LUC7L2: variants seen among roughly 807,000 people sequenced by gnomAD.
LUC7L2 encodes the protein LUC7 like 2, pre-mRNA splicing factor, also known as putative RNA-binding protein Luc7-like 2.
LUC7L2 carries 25 observed loss-of-function variants against 52.8 expected under a neutral mutation model. The observed-to-expected ratio is 0.47, with a 90% CI of 0.34 to 0.66. The LOEUF (loss-of-function observed/expected upper bound fraction) is 0.66. LUC7L2 is among the 30% of genes least tolerant of loss of function. LUC7L2 has a pLI of 0.01. For missense variants in LUC7L2, 328 were observed against 497.8 expected (o/e 0.66, Z 3.25); for synonymous variants, 144 against 160.9 (o/e 0.89, Z 0.80).
intron 5 of LUC7L2, 112 bp from the exon 6 acceptor site, chr7:139,407,062 A>C (rs1585125127): frequency 2.5e-5 from 22 of 878,820 alleles, no homozygotes; most frequent in East Asian, 6.1e-5. Context: ...GTGCCCAGCC[A>C]CTTTTGTGTA....
intron 1 of LUC7L2, among the ~76,000 whole-genome samples, chr7:139,369,927 G>C (rs533297743): frequency 6.6e-6 from 1 of 152,304 alleles, no homozygotes. Flanking sequence ...ACATTTTCTG[G>C]AGGAAAGGAA....
chr7:139,359,184 T>TGGCTCCC (rs2131170371), upstream of LUC7L2: 1 of 152,366 alleles, frequency 6.6e-6, no homozygotes, highest in African/African-American at 2.4e-5. Context: ...CCAGCGCCGC[T>TGGCTCCC]GGCTCCCTGC....
chr7:139,351,306 A>T (rs1281653974), intron 1 of LUC7L2, among the ~76,000 whole-genome samples: 1 of 152,234 alleles, frequency 6.6e-6, no homozygotes, highest in African/African-American at 2.4e-5. Context: ...ATTCCCTATC[A>T]GTTCAATGAC....
chr7:139,360,449 T>A lies in LUC7L2; in HGVS notation c.61+127T>A, dbSNP rs1234261283. On this transcript the variant is annotated intron_variant, in intron 1 of 9. Coordinates refer to ENST00000354926, the MANE Select transcript of LUC7L2 (RefSeq NM_016019.5). ...GGGCTCCCAGATTGGTAACACGAGG[T>A]CCCCGTCCCCCGTCCCATCCAATCA... 68 of 784,086 alleles carry A rather than the reference T, an allele frequency of 8.7e-5. 2 individuals carry two copies. Among genetic ancestry groups the A allele is most frequent in the South Asian group, 6.3e-4 (36 of 57,184 alleles). The allele number at this position is 784,086 out of a possible 1,614,324, so 48.6% of individuals were successfully genotyped here.
chr7:139,355,094 C>G (rs547173060), upstream of LUC7L2, among the ~76,000 whole-genome samples: 1 of 131,726 alleles, frequency 7.6e-6, no homozygotes, highest in African/African-American at 4.0e-5. Flanking sequence ...CTCCTGGCCT[C>G]AAGTGATTCT....
intron 9 of LUC7L2, among the ~76,000 whole-genome samples, chr7:139,421,316 G>A (rs1451822575): frequency 6.6e-6 from 1 of 152,172 alleles, no homozygotes; most frequent in Non-Finnish European, 1.5e-5. Context: ...ATGTAAAAGT[G>A]CTGTGTCACC....
chr7:139,405,404 C>A (rs966922066), intron 4 of LUC7L2, among the ~76,000 whole-genome samples: 1 of 152,172 alleles, frequency 6.6e-6, no homozygotes, highest in Non-Finnish European at 1.5e-5. Context: ...GAATACACCA[C>A]CTCGCCAGAG....
chr7:139,370,279 A>G (rs1308336034), intron 1 of LUC7L2, among the ~76,000 whole-genome samples: 2 of 152,204 alleles, frequency 1.3e-5, no homozygotes, highest in East Asian at 1.9e-4. Flanking sequence ...AAGGATTTGT[A>G]TAGGTGGATT....
chr7:139,415,084 GTATTTTT>G (rs1795535410), intron 8 of LUC7L2, among the ~76,000 whole-genome samples: 1 of 53,212 alleles, frequency 1.9e-5, no homozygotes, highest in Non-Finnish European at 4.1e-5. Context: ...TTTTTTTTTT[GTATTTTT>G]AGTAGAGTAG....
At position 139,423,204 on chromosome 7, in the gene LUC7L2, T is replaced by C. The variant is rs1433210727; in HGVS notation, c.*864T>C. 2 of 399,066 alleles carry C rather than the reference T, an allele frequency of 5.0e-6. No individual in the cohort carries two copies. The highest frequency in any genetic ancestry group is 2.1e-5 in the African/African-American group (1 of 48,748). The allele number at this position is 399,066 out of a possible 1,614,324, so 24.7% of individuals were successfully genotyped here. ...TCTAGTAAATTGTCACTAGAACTAT[T>C]TGCTGTGGGCATTTCCTCTATTCTG... On this transcript the variant is annotated 3_prime_UTR_variant, in exon 10 of 10. Transcript: ENST00000354926.
At chr7:139,341,277 G>C (rs899659238) in intron 1 of LUC7L2, 2 of 1,490,562 alleles carry the variant, frequency 1.3e-6, no homozygotes, top group Non-Finnish European at 1.8e-6. Flanking sequence ...CAGTCGATAG[G>C]GGGAGTCGGT....
chr7:139,421,998 T>C (rs922748737), intron 9 of LUC7L2, among the ~76,000 whole-genome samples, 165 bp from the exon 10 acceptor site: 1 of 152,226 alleles, frequency 6.6e-6, no homozygotes, highest in Non-Finnish European at 1.5e-5. Context: ...AATGCCCTTA[T>C]CAACTATGGT....
At chr7:139,417,240 C>T in intron 8 of LUC7L2, 1 of 257,084 alleles carries the variant, frequency 3.9e-6, no homozygotes, top group South Asian at 6.1e-5. Flanking sequence ...AGAGTTTCGC[C>T]ATGTTGCCTA....
intron 1 of LUC7L2, among the ~76,000 whole-genome samples, chr7:139,362,091 A>G (rs1585074112): frequency 6.6e-6 from 1 of 151,796 alleles, no homozygotes; most frequent in African/African-American, 2.4e-5. Context: ...GTATTTTTTT[A>G]TGTGTCTGTT....
chr7:139,362,171 T>C (rs1235184198), intron 1 of LUC7L2, among the ~76,000 whole-genome samples: 2 of 152,118 alleles, frequency 1.3e-5, no homozygotes, highest in African/African-American at 2.4e-5. Flanking sequence ...GAGTCCACAG[T>C]ATTGTTTAGC....
chr7:139,401,293 A>G (rs1346090915), intron 3 of LUC7L2, among the ~76,000 whole-genome samples: 1 of 152,080 alleles, frequency 6.6e-6, no homozygotes, highest in Non-Finnish European at 1.5e-5. Flanking sequence ...TACTGTTAGC[A>G]TTTTGTATAG....
intron 1 of LUC7L2, among the ~76,000 whole-genome samples, chr7:139,350,881 G>A (rs186635853): frequency 1.7e-4 from 26 of 151,786 alleles, no homozygotes; most frequent in Non-Finnish European, 3.1e-4. Context: ...TCACCATGTT[G>A]GCCAGGCTGG....
chr7:139,389,271 T>G (rs1794327716), intron 2 of LUC7L2, among the ~76,000 whole-genome samples: 1 of 152,182 alleles, frequency 6.6e-6, no homozygotes, highest in African/African-American at 2.4e-5. Context: ...CATTCTTCTT[T>G]GCCTACAGAA....
At chr7:139,355,202 T>C (rs999677158), upstream of LUC7L2, among the ~76,000 whole-genome samples, 37 of 152,088 alleles carry the variant, frequency 2.4e-4, no homozygotes, top group Non-Finnish European at 4.4e-4. Flanking sequence ...TTGTTGTTTG[T>C]TGGTCAAGAG....
Sources: gnomAD v4.1 joint callset for allele counts (sites outside exome capture counted in the v4.1 genomes callset) on GRCh38, gnomAD v4.1.1 for gene constraint, MANE v1.5 for transcripts, NCBI Gene and HGNC (gene_info 2026-07-23, HGNC 2026-07-21) for gene names.